The following MALRD1 variants were observed in gnomAD, a reference collection of about 807,000 sequenced individuals.
MALRD1 encodes the protein MAM and LDL-receptor class A domain-containing protein 1.
A neutral mutation model predicts 242.1 loss-of-function variants in MALRD1; 247 were observed. The ratio of observed to expected loss-of-function variants is 1.02; its 90% confidence interval spans 0.92 to 1.13. The LOEUF (loss-of-function observed/expected upper bound fraction) is 1.13, where lower values mean the gene tolerates loss of function less well. Ranked by LOEUF, MALRD1 falls within the 50% of genes most tolerant of loss-of-function variation. MALRD1 has a pLI of 0.00. For synonymous variants in MALRD1, 995 were observed against 866.6 expected (o/e 1.15, Z -2.60); for missense variants, 2,989 against 2,533.1 (o/e 1.18, Z -3.86).
In MALRD1 at chr10:19,580,663, T is replaced by C. The variant is rs539783433; in HGVS notation, c.5680+12960T>C. 1.5e-4 allele frequency among the ~76,000 whole-genome samples: 23 copies of C among 152,320 alleles called. 1 individual carries two copies. The South Asian group carries it at 4.1e-3, about 27-fold the overall frequency. On this transcript the variant is annotated intron_variant, in intron 33 of 39. Coordinates refer to ENST00000454679, the MANE Select transcript of MALRD1 (RefSeq NM_001142308.3). The stretch of plus-strand genomic sequence containing the variant: ...CTGAATTTTTTCCAGCTCCCTCTTA[T>C]GTTAATTTTATTTAGCTTTGGCCTC...
intron 38 of MALRD1, among the ~76,000 whole-genome samples, chr10:19,723,726 AGT>A (rs1195296850): frequency 2.0e-5 from 3 of 150,978 alleles, no homozygotes. Flanking sequence ...TAGGCAACAG[AGT>A]GAGAATGTGT....
chr10:19,718,484 C>G (rs1219796773), intron 38 of MALRD1, among the ~76,000 whole-genome samples: 1 of 152,154 alleles, frequency 6.6e-6, no homozygotes, highest in Non-Finnish European at 1.5e-5. Context: ...CACATGAACT[C>G]AACGCAAGAA....
In MALRD1 at chr10:19,568,562, C is replaced by G. The variant is rs557311845; in HGVS notation, c.5680+859C>G. Reference sequence around the variant, plus strand: ...AGCCTGCTTCCTCAGGAAGTCACTCCCATGGTTAACATTCAGGGCCTGAGC... The same window carrying G: ...AGCCTGCTTCCTCAGGAAGTCACTCGCATGGTTAACATTCAGGGCCTGAGC... On this transcript the variant is annotated intron_variant, in intron 33 of 39. Coordinates refer to ENST00000454679, the MANE Select transcript of MALRD1 (RefSeq NM_001142308.3). 2.0e-5 allele frequency among the ~76,000 whole-genome samples: 3 copies of G among 152,146 alleles called. No individual in the cohort carries two copies. In the South Asian group the frequency reaches 6.2e-4, roughly 32 times the overall value.
chr10:19,403,782 AAGAATGGTG>A (rs1347357944), intron 28 of MALRD1, among the ~76,000 whole-genome samples: 1 of 152,126 alleles, frequency 6.6e-6, no homozygotes, highest in African/African-American at 2.4e-5. Context: ...TGAATGATGA[AAGAATGGTG>A]AGAATATTCT....
At chr10:19,470,370 A>G (rs1375269503) in intron 29 of MALRD1, among the ~76,000 whole-genome samples, 2 of 151,974 alleles carry the variant, frequency 1.3e-5, no homozygotes, top group African/African-American at 4.8e-5. Context: ...GGTTGTTTCC[A>G]TATCTTGGTT....
chr10:19,144,848 A>G (rs1426640592), intron 10 of MALRD1, among the ~76,000 whole-genome samples: 2 of 152,166 alleles, frequency 1.3e-5, no homozygotes, highest in African/African-American at 4.8e-5. Context: ...TAAGGTTAAT[A>G]TATGTAAAAT....
rs138504168 is a variant in MALRD1, at chr10:19,095,605, G to T, written c.597+7420G>T. Among the ~76,000 whole-genome samples the T allele has an allele frequency of 6.9e-3, 1,045 of 152,198 alleles. 11 individuals carry two copies. Among genetic ancestry groups the T allele is most frequent in the African/African-American group, 0.024 (1,006 of 41,514 alleles). The stretch of plus-strand genomic sequence containing the variant: ...ATGAAGGGAAGGTTCCCTACACCAT[G>T]TTAAGGGAAGATGATTGATAGGTAT... On this transcript the variant is annotated intron_variant, in intron 4 of 39. Transcript: ENST00000454679.
In MALRD1 at chr10:19,352,157, A is replaced by G; in HGVS notation, c.4301A>G (p.Glu1434Gly). 6.4e-7 allele frequency: 1 copy of G among 1,550,608 alleles called. No homozygotes were observed. The highest frequency in any genetic ancestry group is 8.7e-7 in the Non-Finnish European group (1 of 1,146,962). The part of the protein sequence containing the change: ...RREELSLFGD[E>G]DFQLKFEGRV... ...GAAGAACTGTCACTGTTTGGTGATG[A>G]AGACTTCCAACTCAAATTTGAAGGT... The change falls in exon 26 of 40, where the codon GAA (glutamate) becomes GGA (glycine). Residue 1434 changes from glutamate (E) to glycine (G), a missense_variant. Coordinates refer to ENST00000454679, the MANE Select transcript of MALRD1 (RefSeq NM_001142308.3).
At chr10:19,283,270 C>T (rs1328742391) in intron 21 of MALRD1, 89 bp downstream of exon 21, 14 of 1,089,586 alleles carry the variant, frequency 1.3e-5, no homozygotes, top group Middle Eastern at 2.2e-4. Context: ...TATCCTAGGC[C>T]AATGCTACTG....
At chr10:19,478,803 C>A (rs916056750) in intron 29 of MALRD1, among the ~76,000 whole-genome samples, 1 of 152,136 alleles carries the variant, frequency 6.6e-6, no homozygotes, top group African/African-American at 2.4e-5. Flanking sequence ...TCACCAAACA[C>A]ATCACATTTC....
intron 1 of MALRD1, among the ~76,000 whole-genome samples, chr10:19,056,643 A>T (rs1349465236): frequency 6.6e-6 from 1 of 151,926 alleles, no homozygotes; most frequent in Non-Finnish European, 1.5e-5. Flanking sequence ...GTACACTTTT[A>T]CTTCTTTCTT....
intron 18 of MALRD1, among the ~76,000 whole-genome samples, chr10:19,253,914 TG>T (rs1564505166): frequency 1.3e-5 from 2 of 151,978 alleles, no homozygotes; most frequent in African/African-American, 4.8e-5. Flanking sequence ...GGTGGATATA[TG>T]GGGGTGGTTT....
At chr10:19,682,189 C>A (rs547530839) in intron 36 of MALRD1, among the ~76,000 whole-genome samples, 1 of 152,084 alleles carries the variant, frequency 6.6e-6, no homozygotes, top group East Asian at 1.9e-4. Context: ...CCAAATTAAT[C>A]GTGAACCCAT....
chr10:19,682,152 C>T (rs1211516232), intron 36 of MALRD1, among the ~76,000 whole-genome samples: 1 of 152,124 alleles, frequency 6.6e-6, no homozygotes, highest in African/African-American at 2.4e-5. Flanking sequence ...AAGTAATCAA[C>T]TTGAGTAAAC....
At chr10:19,394,861 T>G (rs900946611) in intron 28 of MALRD1, among the ~76,000 whole-genome samples, 3 of 152,236 alleles carry the variant, frequency 2.0e-5, no homozygotes, top group Admixed American at 1.3e-4. Context: ...CAGACAGGTT[T>G]TCAAAGTTAG....
chr10:19,638,836 A>G (rs1840263014), intron 36 of MALRD1, among the ~76,000 whole-genome samples: 1 of 152,208 alleles, frequency 6.6e-6, no homozygotes, highest in Non-Finnish European at 1.5e-5. Context: ...CATAAGAGAC[A>G]TGTCAGCAAA....
intron 36 of MALRD1, among the ~76,000 whole-genome samples, chr10:19,628,839 T>C (rs1422790797): frequency 1.3e-5 from 2 of 152,210 alleles, no homozygotes; most frequent in Non-Finnish European, 1.5e-5. Flanking sequence ...GCAGAGTCAG[T>C]TGGCTGCTTC....
At chr10:19,474,548 A>G (rs12146401) in intron 29 of MALRD1, among the ~76,000 whole-genome samples, 7,418 of 152,154 alleles carry the variant, frequency 0.049, 239 homozygotes, top group Middle Eastern at 0.082. Flanking sequence ...CTTTTCATTC[A>G]CCAACTAATG....
At chr10:19,428,614 A>G (rs1000958318) in intron 28 of MALRD1, among the ~76,000 whole-genome samples, 3 of 152,020 alleles carry the variant, frequency 2.0e-5, no homozygotes, top group African/African-American at 7.3e-5. Flanking sequence ...AATGATCACA[A>G]CCTTATGGTT....
Sources: gnomAD v4.1 joint callset for allele counts (sites outside exome capture counted in the v4.1 genomes callset) on GRCh38, gnomAD v4.1.1 for gene constraint, MANE v1.5 for transcripts, NCBI Gene and HGNC (gene_info 2026-07-23, HGNC 2026-07-21) for gene names.